The following IKBIP variants were observed in gnomAD, a reference collection of about 807,000 sequenced individuals.
IKBIP encodes the protein IKBKB interacting protein.
IKBIP carries 28 observed loss-of-function variants against 31.0 expected under a neutral mutation model. The ratio of observed to expected loss-of-function variants is 0.90; its 90% CI spans 0.67 to 1.24. The LOEUF (loss-of-function observed/expected upper bound fraction) is 1.24, where lower values mean the gene tolerates loss of function less well. Among genes scored for constraint, IKBIP ranks in the 50% most tolerant of loss-of-function variants. The pLI, the probability that IKBIP is intolerant of heterozygous loss-of-function variation, is 0.00. For synonymous variants in IKBIP, 164 were observed against 160.3 expected (o/e 1.02, Z -0.17); for missense variants, 453 against 441.9 (o/e 1.03, Z -0.23).
chr12:98,623,110 C>T (rs2097611366), downstream of IKBIP, among the ~76,000 whole-genome samples: 4 of 150,702 alleles, frequency 2.7e-5, no homozygotes, highest in Admixed American at 6.6e-5. Flanking sequence ...TCCCGAGTAG[C>T]TGGGATTACA....
intron 2 of IKBIP, among the ~76,000 whole-genome samples, chr12:98,630,038 G>A (rs2097618465): frequency 6.6e-6 from 1 of 152,050 alleles, no homozygotes; most frequent in Non-Finnish European, 1.5e-5. Context: ...TTCCCAAAGT[G>A]CTGAGATTAC....
At chr12:98,623,436 G>T (rs1036042396), downstream of IKBIP, among the ~76,000 whole-genome samples, 1 of 141,346 alleles carries the variant, frequency 7.1e-6, no homozygotes, top group Admixed American at 7.1e-5. Context: ...GTAGACATGA[G>T]GTCTCACCAT....
Position 98,624,958 on chromosome 12 carries a change from C to T in IKBIP, c.*972G>A. On this transcript the variant is annotated 3_prime_UTR_variant, in exon 3 of 3. Transcript: ENST00000299157. ...TAGCTGGGACTACAGGCACCCACCA[C>T]CACGCCTGGCTAATTTTTTGTATTT... 3.4e-6 allele frequency: 1 copy of T among 292,410 alleles called. No individual in the cohort carries two copies. The highest frequency in any genetic ancestry group is 5.1e-6 in the Non-Finnish European group (1 of 196,620). 18.1% of individuals were successfully genotyped at this position (292,410 alleles called of 1,614,324 possible). A position where few individuals can be genotyped will look rare whatever the true frequency, so the allele number is the denominator to read the frequency against.
intron 2 of IKBIP, among the ~76,000 whole-genome samples, chr12:98,616,500 T>A (rs1334165244): frequency 6.6e-6 from 1 of 152,208 alleles, no homozygotes; most frequent in Non-Finnish European, 1.5e-5. Context: ...CACAATCATA[T>A]TTATCTATTT....
At chr12:98,614,386 TA>T in intron 2 of IKBIP, 1 of 1,005,438 alleles carries the variant, frequency 9.9e-7, no homozygotes, top group Admixed American at 3.0e-5. Context: ...ATTAGAAGCT[TA>T]CCATTTAAAA....
intron 2 of IKBIP, among the ~76,000 whole-genome samples, chr12:98,629,615 G>A (rs538853328): frequency 6.6e-6 from 1 of 151,946 alleles, no homozygotes; most frequent in East Asian, 1.9e-4. Flanking sequence ...AAAATCCAAA[G>A]AAATAAAAAC....
chr12:98,625,089 C>G lies in IKBIP; in HGVS notation c.*841G>C, dbSNP rs936233569. On this transcript the variant is annotated 3_prime_UTR_variant, in exon 3 of 3. Transcript: ENST00000299157. ...AAAGTGCTAGGATTACAGGTGTGAG[C>G]CACTGCGCCTGGCCTATTTAAGTAA... 1.2e-4 allele frequency: 117 copies of G among 976,150 alleles called. No individual in the cohort carries two copies. Among genetic ancestry groups the G allele is most frequent in the South Asian group, 2.8e-4 (6 of 21,124 alleles). 60.5% of individuals were successfully genotyped at this position (976,150 alleles called of 1,614,324 possible).
rs926363102 is a variant in IKBIP at position 98,624,550 on chromosome 12, T to C, written c.*1380A>G. 4.1e-6 allele frequency: 4 copies of C among 982,698 alleles called. No homozygotes were observed. Among genetic ancestry groups the C allele is most frequent in the Non-Finnish European group, 4.8e-6 (4 of 827,560 alleles). The allele number at this position is 982,698 out of a possible 1,614,324, so 60.9% of individuals were successfully genotyped here. A position where few individuals can be genotyped will look rare whatever the true frequency, so the allele number is the denominator to read the frequency against. The stretch of plus-strand genomic sequence containing the variant: ...TGTAACTGACTGCTTTCAAGTTCTT[T>C]GTGTTTAATTCCATCAAAAACTGCA... On this transcript the variant is annotated 3_prime_UTR_variant, in exon 3 of 3. Coordinates refer to ENST00000299157, the MANE Select transcript of IKBIP (RefSeq NM_153687.4).
At chr12:98,614,308 C>G (rs2097605067) in exon 3 of IKBIP, 1 of 1,588,892 alleles carries the variant, frequency 6.3e-7, no homozygotes, top group East Asian at 2.2e-5. Context: ...GAAAAGACTT[C>G]AATTGTTCCA....
chr12:98,614,614 A>G (rs1395773563), intron 2 of IKBIP, among the ~76,000 whole-genome samples: 1 of 151,666 alleles, frequency 6.6e-6, no homozygotes, highest in African/African-American at 2.4e-5. Context: ...TTTAGTAGAG[A>G]CGGGTCTTCA....
chr12:98,638,429 GTGCCATAA>G (rs2097627732), intron 1 of IKBIP, among the ~76,000 whole-genome samples: 1 of 152,042 alleles, frequency 6.6e-6, no homozygotes, highest in African/African-American at 2.4e-5. Flanking sequence ...ACACAGGCGT[GTGCCATAA>G]TGCCTGGCTA....
At chr12:98,616,941 C>T (rs2097606601) in intron 2 of IKBIP, among the ~76,000 whole-genome samples, 1 of 151,994 alleles carries the variant, frequency 6.6e-6, no homozygotes, top group Non-Finnish European at 1.5e-5. Context: ...TCTTTTTGCT[C>T]AAGATTGCTT....
At chr12:98,616,578 G>A (rs185172832) in intron 2 of IKBIP, among the ~76,000 whole-genome samples, 182 of 152,266 alleles carry the variant, frequency 1.2e-3, no homozygotes, top group African/African-American at 4.0e-3. Context: ...ACGTCAAGAA[G>A]CTTTTTCCTC....
chr12:98,628,960 G>C lies in IKBIP; in HGVS notation c.298-2194C>G, dbSNP rs1006131594. On this transcript the variant is annotated intron_variant, in intron 2 of 2. Transcript: ENST00000299157. ...GGGGGCAATGGATGCTTTGAGGAGA[G>C]ATAAAAAGTTAGGAGGGCAATGCGA... is the stretch of plus-strand genomic sequence containing the variant. Among the ~76,000 whole-genome samples, 7 of 152,194 alleles carry C rather than the reference G, an allele frequency of 4.6e-5. No homozygotes were observed. The East Asian group carries it at 7.7e-4, about 17-fold the overall frequency.
At chr12:98,614,647 G>A (rs1337644240) in intron 2 of IKBIP, among the ~76,000 whole-genome samples, 6 of 151,688 alleles carry the variant, frequency 4.0e-5, no homozygotes, top group African/African-American at 9.7e-5. Context: ...GGCTGGTCTC[G>A]ATCTCCTGAC....
chr12:98,637,466 TG>T (rs1360100983), intron 1 of IKBIP, among the ~76,000 whole-genome samples: 1 of 152,240 alleles, frequency 6.6e-6, no homozygotes, highest in African/African-American at 2.4e-5. Context: ...TGGAGTGCAG[TG>T]GCACGATTTT....
downstream of IKBIP, among the ~76,000 whole-genome samples, chr12:98,620,309 C>T (rs1040283088): frequency 1.3e-5 from 2 of 151,998 alleles, no homozygotes; most frequent in African/African-American, 4.8e-5. Context: ...TCTACAAGCA[C>T]AGCAACATGG....
At chr12:98,640,976 T>C (rs1361300877) in intron 1 of IKBIP, among the ~76,000 whole-genome samples, 1 of 152,190 alleles carries the variant, frequency 6.6e-6, no homozygotes, top group Non-Finnish European at 1.5e-5. Context: ...TTGCCCAGGC[T>C]GGTCTTGAAC....
intron 2 of IKBIP, among the ~76,000 whole-genome samples, chr12:98,615,461 T>G (rs2097605762): frequency 6.6e-6 from 1 of 152,090 alleles, no homozygotes; most frequent in Admixed American, 6.6e-5. Context: ...ACTCCTAATC[T>G]CAAGTGATTC....
Sources: allele counts gnomAD v4.1 joint callset (sites outside exome capture counted in the v4.1 genomes callset), GRCh38; gene constraint gnomAD v4.1.1; transcripts MANE v1.5; gene names NCBI Gene and HGNC (gene_info 2026-07-23, HGNC 2026-07-21).